PCDHAC1: variants seen among roughly 807,000 people sequenced by gnomAD.
PCDHAC1 encodes protocadherin alpha subfamily C, 1.
In PCDHAC1, 42 loss-of-function variants were observed where a neutral mutation model predicts 60.0. That is an observed-to-expected ratio of 0.70 (90% CI 0.55 to 0.90). The LOEUF is 0.90. Ranked by LOEUF, PCDHAC1 falls within the 40% of genes least tolerant of loss-of-function variation. PCDHAC1 has a pLI of 0.00. For missense variants in PCDHAC1, 1,160 were observed against 1,222.3 expected, an observed-to-expected ratio of 0.95 and a Z score of 0.76; for synonymous variants, 468 against 499.3, an observed-to-expected ratio of 0.94 and a Z score of 0.84.
At chr5:140,987,749 GT>G (rs1554249497) in intron 3 of PCDHAC1, among the ~76,000 whole-genome samples, 1 of 152,142 alleles carries the variant, frequency 6.6e-6, no homozygotes, top group African/African-American at 2.4e-5. Context: ...GACCCAGGTT[GT>G]TCTGAGTATT....
At chr5:140,957,851 T>TG (rs2095389296) in intron 1 of PCDHAC1, among the ~76,000 whole-genome samples, 1 of 136,014 alleles carries the variant, frequency 7.4e-6, no homozygotes. Flanking sequence ...AGAGTTTGTG[T>TG]ATTTTTTTTC....
At chr5:141,001,872 CAAG>C (rs1329160545) in intron 3 of PCDHAC1, among the ~76,000 whole-genome samples, 1 of 152,126 alleles carries the variant, frequency 6.6e-6, no homozygotes, top group African/African-American at 2.4e-5. Flanking sequence ...TGCCCAAAAC[CAAG>C]AAGGAGCAAA....
chr5:140,927,356 G>C lies in PCDHAC1; in HGVS notation c.464G>C (p.Ser155Thr). The change falls in exon 1 of 4, where the codon AGC (serine) becomes ACC (threonine). Residue 155 changes from serine (S) to threonine (T), a missense_variant. By Grantham distance (58) the Ser-to-Thr change is moderately conservative. Transcript: ENST00000253807. Reference protein sequence around the residue: ...LPNAQDDDEGSNGILSYSLSP... With the variant: ...LPNAQDDDEGTNGILSYSLSP... ...AATGCCCAAGATGACGACGAGGGAA[G>C]CAATGGGATACTAAGCTACAGCCTA... The C allele has an allele frequency of 6.2e-7, 1 of 1,614,076 alleles. No homozygotes were observed.
At chr5:140,960,148 T>C (rs782110022) in intron 1 of PCDHAC1, among the ~76,000 whole-genome samples, 16 of 152,198 alleles carry the variant, frequency 1.1e-4, no homozygotes, top group Admixed American at 4.6e-4. Context: ...ATTAATAGCT[T>C]GAGACTGATA....
chr5:140,969,424 G>A (rs1554231783), intron 1 of PCDHAC1: 1 of 1,558,342 alleles, frequency 6.4e-7, no homozygotes, highest in South Asian at 1.2e-5. Context: ...GTCATTAACA[G>A]TGACAAGAGT....
rs1448389331 is a variant in PCDHAC1 at position 140,928,998 on chromosome 5, C to T, written c.2106C>T (p.Phe702=). ...TATTTCTGGGGTGCTTACTTTTCTT[C>T]GTGTGTACCAAGTTGCACCAGAGCC... ...SFLFLGCLLF[F]VCTKLHQSPG... Residue 702 remains phenylalanine (F), a synonymous_variant, in exon 1 of 4, where the codon TTC becomes TTT. Coordinates refer to ENST00000253807, the MANE Select transcript of PCDHAC1 (RefSeq NM_018898.5). 3.1e-6 allele frequency: 5 copies of T among 1,613,784 alleles called. No individual in the cohort carries two copies. The highest frequency in any genetic ancestry group is 4.2e-6 in the Non-Finnish European group (5 of 1,179,922).
At chr5:140,958,406 G>A (rs576536874) in intron 1 of PCDHAC1, among the ~76,000 whole-genome samples, 2 of 152,204 alleles carry the variant, frequency 1.3e-5, no homozygotes, top group African/African-American at 4.8e-5. Context: ...CATTATCACT[G>A]ATGCTTGGAA....
Position 140,967,363 on chromosome 5 carries a change from C to T in PCDHAC1, c.2434-11586C>T, listed in dbSNP as rs539138806. On this transcript the variant is annotated intron_variant, in intron 1 of 3. Coordinates refer to ENST00000253807, the MANE Select transcript of PCDHAC1 (RefSeq NM_018898.5). ...AGCACTTCGAGCTGGACCTTAAGCCCCTGCAGGAGAACAGTAAAGTGCTTG... is the reference window on the plus strand; with the variant it reads ...AGCACTTCGAGCTGGACCTTAAGCCTCTGCAGGAGAACAGTAAAGTGCTTG... The T allele has an allele frequency of 1.6e-5, 26 of 1,607,546 alleles. No homozygotes were observed. The South Asian group carries it at 2.9e-4, about 18-fold the overall frequency.
At chr5:140,958,868 A>G (rs2095446207) in intron 1 of PCDHAC1, among the ~76,000 whole-genome samples, 2 of 152,108 alleles carry the variant, frequency 1.3e-5, no homozygotes, top group Non-Finnish European at 2.9e-5. Context: ...CTGGGTTTAT[A>G]AAAGAATTGA....
chr5:140,954,120 C>G (rs246026), intron 1 of PCDHAC1, among the ~76,000 whole-genome samples: 85,718 of 152,076 alleles, frequency 0.56, 24,786 homozygotes, highest in African/African-American at 0.69. Flanking sequence ...GATCTTGTTC[C>G]TTTTTATGGA....
chr5:140,945,659 G>C (rs2093824580), intron 1 of PCDHAC1, among the ~76,000 whole-genome samples: 1 of 152,090 alleles, frequency 6.6e-6, no homozygotes, highest in Non-Finnish European at 1.5e-5. Context: ...GCAGAATACA[G>C]CTCCCAGAAA....
chr5:140,992,097 A>G (rs1466699064), intron 3 of PCDHAC1, among the ~76,000 whole-genome samples: 7 of 151,212 alleles, frequency 4.6e-5, no homozygotes, highest in Non-Finnish European at 1.0e-4. Flanking sequence ...GAGAAAGAGA[A>G]TTAAGGTGAG....
intron 1 of PCDHAC1, among the ~76,000 whole-genome samples, chr5:140,978,488 C>A (rs1453613410): frequency 6.6e-6 from 1 of 152,224 alleles, no homozygotes; most frequent in African/African-American, 2.4e-5. Context: ...TCTGCAAAGC[C>A]AGCAGCAGAT....
chr5:141,000,389 C>CTATATA (rs2097911342), intron 3 of PCDHAC1, among the ~76,000 whole-genome samples: 2 of 62,586 alleles, frequency 3.2e-5, no homozygotes, highest in African/African-American at 7.0e-5. Flanking sequence ...CTCTCTCTCT[C>CTATATA]TCTCTCTATA....
At chr5:140,963,237 G>A (rs782735845) in intron 1 of PCDHAC1, among the ~76,000 whole-genome samples, 50 of 152,136 alleles carry the variant, frequency 3.3e-4, no homozygotes, top group Non-Finnish European at 6.2e-4. Flanking sequence ...CTGTTTGATG[G>A]ATTAGGTAGG....
chr5:141,009,746 T>C lies in PCDHAC1; in HGVS notation c.2701T>C (p.Phe901Leu). ...CGGTCCCGGTGAGTTGCCCGACAAA[T>C]TCATTATCCCAGGATCTCCTGCAAT... ...QSGPGELPDK[F>L]IIPGSPAIIS... The change falls in exon 4 of 4, where the codon TTC becomes CTC. Residue 901 changes from phenylalanine to leucine, a missense_variant. Transcript: ENST00000253807. 6.2e-7 allele frequency: 1 copy of C among 1,614,062 alleles called. No homozygotes were observed. Among genetic ancestry groups the C allele is most frequent in the Non-Finnish European group, 8.5e-7 (1 of 1,180,018 alleles).
chr5:140,938,176 G>A (rs1554212021), intron 1 of PCDHAC1, among the ~76,000 whole-genome samples: 1 of 152,088 alleles, frequency 6.6e-6, no homozygotes, highest in Non-Finnish European at 1.5e-5. Flanking sequence ...GAGCTCCTGG[G>A]CTCAAGCAAT....
chr5:140,930,012 A>G (rs1369011586), intron 1 of PCDHAC1: 1 of 152,208 alleles, frequency 6.6e-6, no homozygotes, highest in Non-Finnish European at 1.5e-5. Context: ...CATAGCTGAT[A>G]GCTCCATAGC....
In PCDHAC1 at chr5:140,927,266, C is replaced by T. The variant is rs1554204259; in HGVS notation, c.374C>T (p.Pro125Leu). Residue 125 changes from proline (P) to leucine (L), a missense_variant, in exon 1 of 4, where the codon CCT (proline) becomes CTT (leucine). Transcript: ENST00000253807. ...LDTNDNSPLF[P>L]AGDVQLHIPE... ...ACCAATGACAACTCACCTCTCTTTC[C>T]TGCCGGCGACGTGCAGCTGCACATC... The T allele has an allele frequency of 6.2e-7, 1 of 1,614,146 alleles. No individual in the cohort carries two copies.
Sources: gnomAD v4.1 joint callset for allele counts (sites outside exome capture counted in the v4.1 genomes callset) on GRCh38, gnomAD v4.1.1 for gene constraint, MANE v1.5 for transcripts, NCBI Gene and HGNC (gene_info 2026-07-23, HGNC 2026-07-21) for gene names.